Variants in SPINK9 observed in about 807,000 individuals in gnomAD.
SPINK9 encodes serine peptidase inhibitor Kazal type 9.
SPINK9 carries 3 observed loss-of-function variants against 10.8 expected under a neutral mutation model. That is an observed-to-expected ratio of 0.28 (90% CI 0.13 to 0.72). SPINK9 has a LOEUF of 0.72. SPINK9 is among the 30% of genes least tolerant of loss of function. The probability of loss-of-function intolerance (pLI) is 0.74; values close to 1 mark genes in which losing one functional copy is unlikely to be tolerated. For missense variants in SPINK9, 101 were observed against 103.2 expected, an observed-to-expected ratio of 0.98 and a Z score of 0.09; for synonymous variants, 30 against 31.2, an observed-to-expected ratio of 0.96 and a Z score of 0.12.
upstream of SPINK9, among the ~76,000 whole-genome samples, chr5:148,331,489 G>T (rs1372769790): frequency 6.6e-6 from 1 of 152,210 alleles, no homozygotes; most frequent in Non-Finnish European, 1.5e-5. Flanking sequence ...AGTGGAGAGG[G>T]AAAGGGAAGA....
At chr5:148,338,875 T>G (rs1757252266) in intron 3 of SPINK9, among the ~76,000 whole-genome samples, 1 of 152,100 alleles carries the variant, frequency 6.6e-6, no homozygotes, top group African/African-American at 2.4e-5. Flanking sequence ...GATAATCTAT[T>G]GCTTAAACTT....
chr5:148,335,986 CAATT>C (rs772119974), intron 1 of SPINK9, among the ~76,000 whole-genome samples: 2 of 152,138 alleles, frequency 1.3e-5, no homozygotes, highest in Admixed American at 6.5e-5. Context: ...ACATTACAAT[CAATT>C]GTTTGGCACC....
chr5:148,339,803 T>C lies in SPINK9; in HGVS notation c.*91T>C, dbSNP rs1757266975. 5 of 1,024,874 alleles carry C rather than the reference T, an allele frequency of 4.9e-6. No homozygotes were observed. In the African/African-American group the frequency reaches 7.9e-5, roughly 16 times the overall value. 63.5% of individuals were successfully genotyped at this position (1,024,874 alleles called of 1,614,324 possible). A position where few individuals can be genotyped will look rare whatever the true frequency, so the allele number is the denominator to read the frequency against. ...ATATTATCTATGCCACATTGCCTAC[T>C]CATCACCATATGTAGATTTCTTTGT... On this transcript the variant is annotated 3_prime_UTR_variant, in exon 4 of 4. Coordinates refer to ENST00000377906, the MANE Select transcript of SPINK9 (RefSeq NM_001040433.2).
At chr5:148,334,828 T>C (rs924351384), upstream of SPINK9, among the ~76,000 whole-genome samples, 1 of 152,078 alleles carries the variant, frequency 6.6e-6, no homozygotes, top group Admixed American at 6.5e-5. Flanking sequence ...CTCATTAATA[T>C]TTATGAGATG....
chr5:148,322,600 GATACCTGGAA>G (rs1757012101), intron 1 of SPINK9, among the ~76,000 whole-genome samples: 1 of 152,244 alleles, frequency 6.6e-6, no homozygotes, highest in South Asian at 2.1e-4. Context: ...TATATCTTAT[GATACCTGGAA>G]ATCAAATTCC....
At chr5:148,329,908 G>A (rs1240414142) in intron 2 of SPINK9, among the ~76,000 whole-genome samples, 2 of 152,158 alleles carry the variant, frequency 1.3e-5, no homozygotes, top group African/African-American at 4.8e-5. Flanking sequence ...ATTTGCTGAG[G>A]AGTGCTTTAC....
At chr5:148,336,179 C>T (rs2113422807) in intron 1 of SPINK9, among the ~76,000 whole-genome samples, 1 of 152,262 alleles carries the variant, frequency 6.6e-6, no homozygotes, top group African/African-American at 2.4e-5. Context: ...ACAAAATTCT[C>T]ATTCATCGTG....
rs570289285 is a variant in SPINK9, at chr5:148,321,490, T to A, written c.-73+90T>A. On this transcript the variant is annotated intron_variant, in intron 1 of 4. Coordinates refer to the SPINK9 transcript ENST00000511717. Reference sequence around the variant, plus strand: ...TCTGTGATAGGATGGACTGGTGCAATTTTTTTTTTTTTTTTTAACAAACGA... The same window carrying A: ...TCTGTGATAGGATGGACTGGTGCAAATTTTTTTTTTTTTTTTAACAAACGA... 6.5e-5 allele frequency: 6 copies of A among 92,346 alleles called. No individual in the cohort carries two copies. The South Asian group carries it at 1.3e-3, about 20-fold the overall frequency. The allele number at this position is 92,346 out of a possible 1,614,324, so 5.7% of individuals were successfully genotyped here.
At chr5:148,325,886 T>C (rs1017929382) in intron 2 of SPINK9, among the ~76,000 whole-genome samples, 1 of 152,180 alleles carries the variant, frequency 6.6e-6, no homozygotes, top group Non-Finnish European at 1.5e-5. Flanking sequence ...CTCTGATCCA[T>C]TTTCAGTTAC....
At chr5:148,332,169 A>C (rs560515874), upstream of SPINK9, among the ~76,000 whole-genome samples, 1 of 152,340 alleles carries the variant, frequency 6.6e-6, no homozygotes, top group African/African-American at 2.4e-5. Flanking sequence ...TGTTGTGTAA[A>C]GTGGGTACTA....
chr5:148,328,736 C>T (rs1021989946), intron 2 of SPINK9, among the ~76,000 whole-genome samples: 14 of 152,112 alleles, frequency 9.2e-5, no homozygotes, highest in Non-Finnish European at 2.1e-4. Flanking sequence ...TTGTCAAAGG[C>T]CTTTTCTGCA....
At chr5:148,336,585 C>A (rs1202403373) in intron 2 of SPINK9, 132 bp downstream of exon 2, 14 of 986,232 alleles carry the variant, frequency 1.4e-5, no homozygotes, top group Non-Finnish European at 1.8e-5. Context: ...GGTTTTATTT[C>A]AAAAATTGTA....
intron 2 of SPINK9, among the ~76,000 whole-genome samples, chr5:148,325,394 C>T (rs746508057): frequency 2.0e-5 from 3 of 152,004 alleles, no homozygotes; most frequent in African/African-American, 7.2e-5. Context: ...TTTATACCAG[C>T]GATGTATAAT....
At chr5:148,323,776 A>T (rs1403986835) in exon 2 of SPINK9, 1 of 701,020 alleles carries the variant, frequency 1.4e-6, no homozygotes. Flanking sequence ...CCTTCTCATC[A>T]TTGTTTTCAT....
At chr5:148,332,591 G>A (rs922850480), upstream of SPINK9, among the ~76,000 whole-genome samples, 4 of 152,186 alleles carry the variant, frequency 2.6e-5, no homozygotes, top group South Asian at 2.1e-4. Context: ...AAGTTCACCA[G>A]GCTTTTTGAA....
chr5:148,324,671 A>G (rs2113409913), intron 2 of SPINK9, among the ~76,000 whole-genome samples: 1 of 152,176 alleles, frequency 6.6e-6, no homozygotes, highest in African/African-American at 2.4e-5. Flanking sequence ...TGCCTTGAAG[A>G]AGACTGAAGA....
At chr5:148,328,918 A>C (rs1324485636) in intron 2 of SPINK9, among the ~76,000 whole-genome samples, 4 of 152,202 alleles carry the variant, frequency 2.6e-5, no homozygotes, top group African/African-American at 7.2e-5. Flanking sequence ...TATTTTATTG[A>C]GGATTTTTGC....
intron 1 of SPINK9, among the ~76,000 whole-genome samples, chr5:148,322,794 T>C (rs1561764451): frequency 1.3e-5 from 2 of 152,172 alleles, no homozygotes; most frequent in South Asian, 2.1e-4. Context: ...TCTAGCTTCA[T>C]AGGAGACCAG....
chr5:148,325,362 C>G (rs1291177710), intron 2 of SPINK9, among the ~76,000 whole-genome samples: 1 of 152,062 alleles, frequency 6.6e-6, no homozygotes, highest in African/African-American at 2.4e-5. Context: ...AGCAGCTTCA[C>G]CATTTTACAT....
Sources: allele counts gnomAD v4.1 joint callset (sites outside exome capture counted in the v4.1 genomes callset), GRCh38; gene constraint gnomAD v4.1.1; transcripts MANE v1.5; gene names NCBI Gene and HGNC (gene_info 2026-07-23, HGNC 2026-07-21).